The following OLFM1 variants were observed in gnomAD, a reference collection of about 807,000 sequenced individuals.
OLFM1 encodes the protein olfactomedin 1, also known as noelin.
Under a neutral mutation model 49.7 loss-of-function variants are expected in OLFM1, and 9 were observed. The observed-to-expected ratio is 0.18, with a 90% CI of 0.11 to 0.32. The LOEUF (loss-of-function observed/expected upper bound fraction) is 0.32, where lower values mean the gene tolerates loss of function less well. Among genes scored for constraint, OLFM1 ranks in the 10% least tolerant of loss-of-function variants. The pLI is 1.00. For missense variants in OLFM1, 369 were observed against 661.8 expected (o/e 0.56, Z 4.85); for synonymous variants, 240 against 271.8 (o/e 0.88, Z 1.15).
intron 5 of OLFM1, among the ~76,000 whole-genome samples, chr9:135,119,115 A>G (rs886989149): frequency 6.7e-6 from 1 of 148,396 alleles, no homozygotes. Context: ...GGAAGTGCTC[A>G]CCGGGTCTTT....
At chr9:135,075,821 AT>A in intron 1 of OLFM1, 4 of 1,590,654 alleles carry the variant, frequency 2.5e-6, no homozygotes, top group East Asian at 2.3e-5. Flanking sequence ...ATCCAACGCC[AT>A]TTTCCTCCCT....
upstream of OLFM1, chr9:135,087,564 G>C: frequency 8.9e-7 from 1 of 1,128,922 alleles, no homozygotes; most frequent in Non-Finnish European, 1.2e-6. Context: ...GGGGAGCCGA[G>C]CGAGAGGAAA....
chr9:135,121,147 G>T lies in OLFM1; in HGVS notation c.*969G>T, dbSNP rs1831181798. 6.6e-6 allele frequency: 1 copy of T among 152,226 alleles called. No individual in the cohort carries two copies. The highest frequency in any genetic ancestry group is 1.5e-5 in the Non-Finnish European group (1 of 68,036). 9.4% of individuals were successfully genotyped at this position (152,226 alleles called of 1,614,324 possible). On this transcript the variant is annotated 3_prime_UTR_variant, in exon 6 of 6. Coordinates refer to ENST00000371793, the MANE Select transcript of OLFM1 (RefSeq NM_001282611.2). ...ACAAAGGCAAACTTTGTACTATCCA[G>T]TTATCTAAGGAACAATAAAAACATT... is the stretch of plus-strand genomic sequence containing the variant.
chr9:135,097,744 C>A, intron 3 of OLFM1: 1 of 1,540,690 alleles, frequency 6.5e-7, no homozygotes, highest in Non-Finnish European at 9.0e-7. Flanking sequence ...GGCTAGTGAG[C>A]TAGTTCTTCA....
chr9:135,096,240 T>C (rs1830795070), intron 3 of OLFM1, among the ~76,000 whole-genome samples: 1 of 131,054 alleles, frequency 7.6e-6, no homozygotes, highest in Non-Finnish European at 1.6e-5. Flanking sequence ...CTCCTTCTTC[T>C]CCTCCTCTTC....
rs890850641 is a variant in OLFM1 at position 135,113,273 on chromosome 9, G to A, written c.784-6231G>A. ...CGGAGGCCAAGCCCCCTGTGGTCTC[G>A]GTTTTCAGATGGGCTGACCCTACCG... On this transcript the variant is annotated intron_variant, in intron 5 of 5. Transcript: ENST00000371793. This position sits in a 1 kb window ranked among gnomAD's most constrained non-coding sequence, Gnocchi z 4.0. Among the ~76,000 whole-genome samples, 9 of 152,196 alleles carry A rather than the reference G, an allele frequency of 5.9e-5. No homozygotes were observed. The highest frequency in any genetic ancestry group is 1.9e-4 in the East Asian group (1 of 5,158).
chr9:135,107,993 G>A (rs1385893914), intron 5 of OLFM1, among the ~76,000 whole-genome samples: 1 of 152,192 alleles, frequency 6.6e-6, no homozygotes, highest in Non-Finnish European at 1.5e-5. Flanking sequence ...GGAGGGGAGG[G>A]GGACTGGCAG....
At chr9:135,106,575 G>A (rs1830946646) in intron 4 of OLFM1, 174 bp from the exon 5 acceptor site, 1 of 590,550 alleles carries the variant, frequency 1.7e-6, no homozygotes, top group Admixed American at 3.0e-5. Context: ...TCCGAGAGTG[G>A]GGGAGTTGTC....
intron 4 of OLFM1, among the ~76,000 whole-genome samples, chr9:135,102,062 C>T (rs565409587): frequency 2.1e-4 from 32 of 152,338 alleles, no homozygotes; most frequent in East Asian, 7.7e-4. Context: ...TAACAAAGCC[C>T]GCTGGCTCCA....
upstream of OLFM1, chr9:135,087,467 G>A (rs569763212): frequency 5.9e-6 from 9 of 1,529,422 alleles, no homozygotes; most frequent in African/African-American, 2.8e-5. Flanking sequence ...GGGGGTGGTG[G>A]TGTGTCCGTC....
chr9:135,107,125 G>A (rs1477160712), intron 5 of OLFM1, among the ~76,000 whole-genome samples: 17 of 151,724 alleles, frequency 1.1e-4, no homozygotes, highest in African/African-American at 1.5e-4. Context: ...CCTCCTCCCC[G>A]GCCCGGTGGG....
intron 3 of OLFM1, among the ~76,000 whole-genome samples, chr9:135,096,537 C>T (rs1830800834): frequency 6.6e-6 from 1 of 152,240 alleles, no homozygotes; most frequent in African/African-American, 2.4e-5. Context: ...ACAGGGGCGG[C>T]CTGAGTGGTG....
At chr9:135,075,543 GGAGGCTTCGCGCAGCA>G in exon 1 of OLFM1, 1 of 354,454 alleles carries the variant, frequency 2.8e-6, no homozygotes, top group Non-Finnish European at 5.0e-6. Context: ...TATGCAGAGC[GGAGGCTTCGCGCAGCA>G]GAGCCCGCGC....
Position 135,080,651 on chromosome 9 carries a change from C to G in OLFM1, c.96+4849C>G, listed in dbSNP as rs1280940861. ...TCCCCAATCAGAAGAAAGGTAATTTCCTGCCTTGGGTTGTATTTATTACTA... is the reference window on the plus strand; with the variant it reads ...TCCCCAATCAGAAGAAAGGTAATTTGCTGCCTTGGGTTGTATTTATTACTA... On this transcript the variant is annotated intron_variant, in intron 1 of 5. Coordinates refer to the OLFM1 transcript ENST00000252854. The surrounding 1 kb of genome is among the most constrained non-coding windows in gnomAD (Gnocchi z 4.5). 2.0e-5 allele frequency among the ~76,000 whole-genome samples: 3 copies of G among 152,202 alleles called. No individual in the cohort carries two copies. Among genetic ancestry groups the G allele is most frequent in the Non-Finnish European group, 4.4e-5 (3 of 68,042 alleles).
rs1481370570 is a variant in OLFM1 at position 135,088,691 on chromosome 9, C to T, written c.150+552C>T. Among the ~76,000 whole-genome samples, 1 of 152,168 alleles carries T rather than the reference C, an allele frequency of 6.6e-6. No homozygotes were observed. Among genetic ancestry groups the T allele is most frequent in the Admixed American group, 6.5e-5 (1 of 15,286 alleles). ...GCCCGCGCCTGCATTCCCAAAGTCC[C>T]AAGGCGCCCTTTCCTCCCCAGTCCA... On this transcript the variant is annotated intron_variant, in intron 1 of 5. Coordinates refer to ENST00000371793, the MANE Select transcript of OLFM1 (RefSeq NM_001282611.2). This position sits in a 1 kb window ranked among gnomAD's most constrained non-coding sequence, Gnocchi z 4.8.
At chr9:135,076,564 G>T in intron 1 of OLFM1, 1 of 1,098,622 alleles carries the variant, frequency 9.1e-7, no homozygotes, top group Non-Finnish European at 1.3e-6. Context: ...CTGTCTGTGA[G>T]CGCCGAACTG....
chr9:135,104,521 C>G (rs983900508), intron 4 of OLFM1, among the ~76,000 whole-genome samples: 7 of 152,204 alleles, frequency 4.6e-5, no homozygotes, highest in Non-Finnish European at 4.4e-5. Context: ...GTGGCCAGAG[C>G]CCGTGTGCGC....
rs1043428658 is a variant in OLFM1 at position 135,095,795 on chromosome 9, C to T, written c.301-69C>T. On this transcript the variant is annotated intron_variant, in intron 2 of 5. Coordinates refer to ENST00000371793, the MANE Select transcript of OLFM1 (RefSeq NM_001282611.2). ...TGTGTGGGAAAGGGCAATGTCTGTA[C>T]GAGCAGGCAGAGAAGATTGCCTGGC... The T allele has an allele frequency of 1.4e-5, 21 of 1,550,262 alleles. No homozygotes were observed. In the African/African-American group the frequency reaches 2.0e-4, roughly 15 times the overall value.
At chr9:135,076,084 A>C in intron 1 of OLFM1, 1 of 1,507,330 alleles carries the variant, frequency 6.6e-7, no homozygotes, top group Non-Finnish European at 8.9e-7. Flanking sequence ...CTCCCTGCTG[A>C]GAAGTTCAAA....
Sources: allele counts gnomAD v4.1 joint callset (sites outside exome capture counted in the v4.1 genomes callset), GRCh38; gene constraint gnomAD v4.1.1; non-coding constraint Gnocchi (gnomAD v3.1); transcripts MANE v1.5; gene names NCBI Gene and HGNC (gene_info 2026-07-23, HGNC 2026-07-21).